Variants in PCDHGB2 observed in about 807,000 individuals in gnomAD.
PCDHGB2 encodes the protein protocadherin gamma-B2.
PCDHGB2 carries 55 observed loss-of-function variants against 59.3 expected under a neutral mutation model. That is an observed-to-expected ratio of 0.93 (90% CI 0.75 to 1.16). The LOEUF (loss-of-function observed/expected upper bound fraction) is 1.16. Ranked by LOEUF, PCDHGB2 falls within the 50% of genes most tolerant of loss-of-function variation. PCDHGB2 has a pLI of 0.00. For synonymous variants in PCDHGB2, 516 were observed against 512.0 expected, an observed-to-expected ratio of 1.01 and a Z score of -0.11; for missense variants, 1,228 against 1,198.5, an observed-to-expected ratio of 1.02 and a Z score of -0.36.
At chr5:141,380,260 G>A (rs1776331356) in intron 1 of PCDHGB2, among the ~76,000 whole-genome samples, 1 of 152,114 alleles carries the variant, frequency 6.6e-6, no homozygotes, top group South Asian at 2.1e-4. Context: ...AGGGGAAGGA[G>A]TAAAATCTCA....
intron 1 of PCDHGB2, chr5:141,421,683 A>G (rs1238944281): frequency 1.2e-6 from 2 of 1,613,758 alleles, no homozygotes; most frequent in African/African-American, 1.3e-5. Flanking sequence ...CTGGGGCGCG[A>G]TTTGCTCTTC....
At chr5:141,370,175 T>C in intron 1 of PCDHGB2, 1 of 463,044 alleles carries the variant, frequency 2.2e-6, no homozygotes, top group East Asian at 3.2e-5. Context: ...AGGCGCCGGG[T>C]GCCGCTCTTG....
intron 1 of PCDHGB2, chr5:141,366,006 C>G: frequency 1.9e-6 from 3 of 1,614,240 alleles, no homozygotes; most frequent in Non-Finnish European, 2.5e-6. Context: ...AACGACAATA[C>G]GCCTGAGATC....
chr5:141,389,234 C>A, intron 1 of PCDHGB2: 2 of 1,614,076 alleles, frequency 1.2e-6, no homozygotes, highest in Non-Finnish European at 1.7e-6. Context: ...CTCCGGTTTT[C>A]TCACAGTCTT....
rs1285317492 is a variant in PCDHGB2 at position 141,360,281 on chromosome 5, A to G, written c.146A>G (p.Asn49Ser). Residue 49 changes from asparagine to serine, a missense_variant, in exon 1 of 4, where the codon AAC (asparagine) becomes AGC (serine). Asn to Ser is a conservative substitution (Grantham distance 46). Around this residue, in one of 3 missense-constraint regions of PCDHGB2, gnomAD observed 781 missense variants for 721.6 expected, o/e 1.08. Coordinates refer to ENST00000522605, the MANE Select transcript of PCDHGB2 (RefSeq NM_018923.3). ...EELAKNSVVG[N>S]LAKDLGLSVR... is the part of the protein sequence containing the mutation. ...CTGGCCAAAAACTCGGTCGTAGGAA[A>G]CCTCGCCAAGGATCTGGGGCTCAGC... The G allele has an allele frequency of 6.2e-7, 1 of 1,613,728 alleles. No homozygotes were observed. Among genetic ancestry groups the G allele is most frequent in the Non-Finnish European group, 8.5e-7 (1 of 1,179,876 alleles).
chr5:141,509,497 G>A (rs1167178592), intron 3 of PCDHGB2, among the ~76,000 whole-genome samples: 1 of 152,196 alleles, frequency 6.6e-6, no homozygotes, highest in Non-Finnish European at 1.5e-5. Flanking sequence ...TGGCATGCTG[G>A]ATGTGACGGT....
chr5:141,364,937 G>C (rs760754992), intron 1 of PCDHGB2: 16 of 1,613,830 alleles, frequency 9.9e-6, no homozygotes, highest in Middle Eastern at 1.6e-4. Context: ...CCTAGACCGC[G>C]AGAAAGAGAC....
intron 1 of PCDHGB2, chr5:141,413,404 C>T: frequency 6.2e-7 from 1 of 1,614,046 alleles, no homozygotes; most frequent in Non-Finnish European, 8.5e-7. Context: ...AGGTAGGACG[C>T]AGCTTTTCTC....
intron 1 of PCDHGB2, chr5:141,385,538 G>A (rs914768371): frequency 4.1e-5 from 55 of 1,337,642 alleles, no homozygotes; most frequent in Non-Finnish European, 4.8e-5. Flanking sequence ...TTATGAATAT[G>A]TGGACTATCA....
rs1255551589 is a variant in PCDHGB2 at position 141,410,375 on chromosome 5, G to A, written c.2421+47819G>A. ...ACGCTCTCTCAGCCCTGCTACTTGG[G>A]ACTGCTTCCATCCTGGTCTCTGTGT... On this transcript the variant is annotated intron_variant, in intron 1 of 3. Coordinates refer to ENST00000522605, the MANE Select transcript of PCDHGB2 (RefSeq NM_018923.3). The A allele has an allele frequency of 6.2e-7, 1 of 1,614,028 alleles. No individual in the cohort carries two copies. Among genetic ancestry groups the A allele is most frequent in the Admixed American group, 1.7e-5 (1 of 60,022 alleles).
At chr5:141,398,511 C>A in intron 1 of PCDHGB2, 1 of 1,595,066 alleles carries the variant, frequency 6.3e-7, no homozygotes, top group Non-Finnish European at 8.5e-7. Flanking sequence ...ACATTAATGA[C>A]CACACGCCAA....
At position 141,486,209 on chromosome 5, in the gene PCDHGB2, A is replaced by G. The variant is rs749965379; in HGVS notation, c.2422-8598A>G. 1.2e-6 allele frequency: 2 copies of G among 1,614,080 alleles called. No homozygotes were observed. The highest frequency in any genetic ancestry group is 1.7e-6 in the Non-Finnish European group (2 of 1,179,988). ...AGTGGATCTGCTGGACGTAAATGAC[A>G]ATGCCCCTTACATCACAGTGACCTC... On this transcript the variant is annotated intron_variant, in intron 1 of 3. Transcript: ENST00000522605. The surrounding 1 kb of genome is among the most constrained non-coding windows in gnomAD (Gnocchi z 5.0).
In PCDHGB2 at chr5:141,490,729, C is replaced by G. The variant is rs1365931429; in HGVS notation, c.2422-4078C>G. ...CCTCACCTACTCCATTGTAGGAAAT[C>G]AGGTTCAGGGAGCCCCAGCCTCCTC... On this transcript the variant is annotated intron_variant, in intron 1 of 3. Coordinates refer to ENST00000522605, the MANE Select transcript of PCDHGB2 (RefSeq NM_018923.3). The surrounding 1 kb of genome is among the most constrained non-coding windows in gnomAD (Gnocchi z 5.4). 1 of 1,614,184 alleles carries G rather than the reference C, an allele frequency of 6.2e-7. No homozygotes were observed.
chr5:141,431,318 G>C lies in PCDHGB2; in HGVS notation c.2422-63489G>C. 1 of 1,614,086 alleles carries C rather than the reference G, an allele frequency of 6.2e-7. No homozygotes were observed. Among genetic ancestry groups the C allele is most frequent in the African/African-American group, 1.3e-5 (1 of 75,050 alleles). On this transcript the variant is annotated intron_variant, in intron 1 of 3. Transcript: ENST00000522605. The surrounding 1 kb of genome is among the most constrained non-coding windows in gnomAD (Gnocchi z 4.8). ...CTCCCTCATCGTGCAAAATGGAGCC[G>C]ACGGTAGTAAGTACCCCGAATTGGT...
chr5:141,476,206 C>A lies in PCDHGB2; in HGVS notation c.2422-18601C>A. On this transcript the variant is annotated intron_variant, in intron 1 of 3. Transcript: ENST00000522605. This position sits in a 1 kb window ranked among gnomAD's most constrained non-coding sequence, Gnocchi z 7.6. ...TGCTTGGTGCCTTGAACAAGGCTTC[C>A]ACGGTCATTCACTATGAGATCCCGG... 1 of 1,613,930 alleles carries A rather than the reference C, an allele frequency of 6.2e-7. No individual in the cohort carries two copies. The highest frequency in any genetic ancestry group is 1.7e-5 in the Admixed American group (1 of 60,004).
At chr5:141,469,111 T>TA (rs1275770294) in intron 1 of PCDHGB2, among the ~76,000 whole-genome samples, 1 of 151,476 alleles carries the variant, frequency 6.6e-6, no homozygotes, top group African/African-American at 2.4e-5. Context: ...AACCTGTCTC[T>TA]AAAAAAATTT....
chr5:141,451,806 A>G (rs145650418), intron 1 of PCDHGB2, among the ~76,000 whole-genome samples: 6,855 of 150,824 alleles, frequency 0.045, 259 homozygotes, highest in African/African-American at 0.1. Context: ...GCTTGAACCC[A>G]GGAGGCGGAG....
intron 1 of PCDHGB2, chr5:141,394,523 C>T (rs373702756): frequency 5.0e-6 from 8 of 1,614,234 alleles, no homozygotes; most frequent in Non-Finnish European, 6.8e-6. Context: ...TCCCCACAGA[C>T]GGTTCCACTG....
At position 141,463,610 on chromosome 5, in the gene PCDHGB2, G is replaced by T. The variant is rs189991450; in HGVS notation, c.2422-31197G>T. Among the ~76,000 whole-genome samples, 263 of 151,786 alleles carry T rather than the reference G, an allele frequency of 1.7e-3. 1 individual carries two copies. The highest frequency in any genetic ancestry group is 3.4e-3 in the Middle Eastern group (1 of 292). ...ACTACAGGTGCCTGCCACCATGCCC[G>T]GCTAATTTTTTGTATTTTGTTTAGT... On this transcript the variant is annotated intron_variant, in intron 1 of 3. Transcript: ENST00000522605.
Sources: allele counts gnomAD v4.1 joint callset (sites outside exome capture counted in the v4.1 genomes callset), GRCh38; gene constraint gnomAD v4.1.1; regional missense constraint gnomAD v4.1.1; non-coding constraint Gnocchi (gnomAD v3.1); transcripts MANE v1.5; gene names NCBI Gene and HGNC (gene_info 2026-07-23, HGNC 2026-07-21).